The following PLS1 variants were observed in gnomAD, a reference collection of about 807,000 sequenced individuals.
PLS1 encodes the protein plastin 1.
PLS1 carries 32 observed loss-of-function variants against 73.7 expected under a neutral mutation model. That is an observed-to-expected ratio of 0.43 (90% CI 0.33 to 0.58). PLS1 has a LOEUF of 0.58. PLS1 is among the 20% of genes least tolerant of loss of function. The pLI, the probability that PLS1 is intolerant of heterozygous loss-of-function variation, is 0.04. For missense variants in PLS1, 633 were observed against 740.5 expected (o/e 0.85, Z 1.68); for synonymous variants, 217 against 261.3 (o/e 0.83, Z 1.63).
At chr3:142,648,219 AAGAACGGCTGTGAG>A (rs138048403) in intron 1 of PLS1, among the ~76,000 whole-genome samples, 2,225 of 152,276 alleles carry the variant, frequency 0.015, 51 homozygotes, top group African/African-American at 0.05. Context: ...AGTGGGGGTA[AAGAACGGCTGTGAG>A]AGAATAGAGT....
intron 14 of PLS1, among the ~76,000 whole-genome samples, chr3:142,708,061 T>G (rs923132272): frequency 6.6e-6 from 1 of 152,120 alleles, no homozygotes; most frequent in Non-Finnish European, 1.5e-5. Context: ...ACTACATAAG[T>G]TAACAAAATG....
chr3:142,677,923 A>G, intron 5 of PLS1, 109 bp from the exon 6 acceptor site: 2 of 547,642 alleles, frequency 3.7e-6, no homozygotes, highest in Non-Finnish European at 6.5e-6. Flanking sequence ...TTAATATTTT[A>G]AAGTAATGAA....
intron 1 of PLS1, among the ~76,000 whole-genome samples, chr3:142,613,732 C>T (rs1383729110): frequency 1.3e-5 from 2 of 152,122 alleles, no homozygotes; most frequent in East Asian, 3.9e-4. Flanking sequence ...TCAACCAGCT[C>T]ATTGTACATG....
At chr3:142,634,697 A>G (rs1051250365) in intron 1 of PLS1, among the ~76,000 whole-genome samples, 1 of 152,202 alleles carries the variant, frequency 6.6e-6, no homozygotes, top group Non-Finnish European at 1.5e-5. Flanking sequence ...GTGAAAACTG[A>G]AAGAACTCAC....
chr3:142,619,270 CTGATA>C lies in PLS1; in HGVS notation c.-37+22765_-37+22769del, dbSNP rs1194431788. 2.6e-5 allele frequency among the ~76,000 whole-genome samples: 4 copies of C among 152,124 alleles called. No homozygotes were observed. In the East Asian group the frequency reaches 7.7e-4, roughly 29 times the overall value. On this transcript the variant is annotated intron_variant, in intron 1 of 15. Transcript: ENST00000457734. ...GGTAGCTTGGATTCAGAAAAAAATT[CTGATA>C]TGAGAGAGGCACACCCATTCAGCCA...
chr3:142,603,432 T>C (rs1204467923), intron 1 of PLS1, among the ~76,000 whole-genome samples: 2 of 152,184 alleles, frequency 1.3e-5, no homozygotes, highest in African/African-American at 4.8e-5. Flanking sequence ...ACTTCAGACT[T>C]TACGATAAAC....
At chr3:142,670,945 GT>G (rs770427391) in intron 3 of PLS1, 47 bp from the exon 4 acceptor site, 16 of 1,357,818 alleles carry the variant, frequency 1.2e-5, no homozygotes, top group Non-Finnish European at 1.4e-5. Flanking sequence ...ATTTTGTCAG[GT>G]TTTTATTGAT....
At position 142,676,158 on chromosome 3, in the gene PLS1, G is replaced by A. The variant is rs1577876768; in HGVS notation, c.366G>A (p.Glu122=). 1.2e-6 allele frequency: 2 copies of A among 1,611,134 alleles called. No homozygotes were observed. The highest frequency in any genetic ancestry group is 1.7e-6 in the Non-Finnish European group (2 of 1,179,038). ...SSEGTQHSYS[E]EEKVAFVNWI... ...CCTACCAAGGTTTTCTCCTTTCAGAGGAAGAAAAAGTGGCTTTTGTTAACT... is the reference window on the plus strand; with the variant it reads ...CCTACCAAGGTTTTCTCCTTTCAGAAGAAGAAAAAGTGGCTTTTGTTAACT... Residue 122 remains glutamate (E), a splice_region_variant and synonymous_variant, in exon 5 of 16, where the codon GAG becomes GAA. Coordinates refer to ENST00000457734, the MANE Select transcript of PLS1 (RefSeq NM_001145319.2).
intron 1 of PLS1, among the ~76,000 whole-genome samples, chr3:142,600,890 ATATATATATATATATATATATATATAT>A (rs1577753546): frequency 5.5e-5 from 1 of 18,332 alleles, no homozygotes; most frequent in East Asian, 1.5e-3. Flanking sequence ...ATATATATAT[ATATATATATATATATATATATATATAT>A]TTTTTTTTTT....
intron 1 of PLS1, among the ~76,000 whole-genome samples, chr3:142,624,431 C>T (rs1018886743): frequency 1.3e-5 from 2 of 152,138 alleles, no homozygotes; most frequent in Non-Finnish European, 2.9e-5. Flanking sequence ...GCTGTAGCAG[C>T]CTTACCTTAA....
chr3:142,706,779 G>A (rs774098174), intron 14 of PLS1, among the ~76,000 whole-genome samples: 1 of 152,112 alleles, frequency 6.6e-6, no homozygotes, highest in Non-Finnish European at 1.5e-5. Flanking sequence ...TTGGCTTCCT[G>A]ATCTGGGGAA....
At chr3:142,690,085 A>G (rs1188923334) in intron 10 of PLS1, among the ~76,000 whole-genome samples, 2 of 152,200 alleles carry the variant, frequency 1.3e-5, no homozygotes, top group East Asian at 1.9e-4. Flanking sequence ...CAGCTCTACC[A>G]CCAACATGGA....
intron 1 of PLS1, chr3:142,645,576 AG>A (rs1349740288): frequency 8.5e-5 from 13 of 152,352 alleles, no homozygotes; most frequent in African/African-American, 3.1e-4. Flanking sequence ...ATTACAAACC[AG>A]GAGGTAATAC....
intron 1 of PLS1, among the ~76,000 whole-genome samples, chr3:142,629,709 T>G (rs919535193): frequency 5.9e-5 from 9 of 152,164 alleles, no homozygotes; most frequent in African/African-American, 2.2e-4. Flanking sequence ...GTACAGCTTA[T>G]TGGGTACTCA....
intron 9 of PLS1, 96 bp from the exon 10 acceptor site, chr3:142,689,522 A>G: frequency 2.0e-6 from 1 of 511,312 alleles, no homozygotes; most frequent in Non-Finnish European, 3.3e-6. Flanking sequence ...ATTATTTGAT[A>G]TATTTGTGGA....
rs561027167 is a variant in PLS1 at position 142,620,946 on chromosome 3, G to A, written c.-37+24437G>A. 2.0e-5 allele frequency among the ~76,000 whole-genome samples: 3 copies of A among 152,226 alleles called. No homozygotes were observed. In the South Asian group the frequency reaches 6.2e-4, roughly 32 times the overall value. On this transcript the variant is annotated intron_variant, in intron 1 of 15. Transcript: ENST00000457734. ...GGCAGAAGAATGCTTGTACTTGGGA[G>A]GGGCAGATGTTGCAGTGAGCTGAGA...
chr3:142,635,522 G>C (rs143173090), intron 1 of PLS1, among the ~76,000 whole-genome samples: 7 of 152,170 alleles, frequency 4.6e-5, no homozygotes, highest in Non-Finnish European at 7.4e-5. Context: ...AGAATTGCTT[G>C]AACCTGGGAG....
intron 13 of PLS1, among the ~76,000 whole-genome samples, 157 bp from the exon 14 acceptor site, chr3:142,704,306 A>G (rs368452707): frequency 6.6e-6 from 1 of 152,194 alleles, no homozygotes; most frequent in African/African-American, 2.4e-5. Context: ...TGAGGTTTGT[A>G]ACTTTGGAAT....
At chr3:142,602,984 T>A (rs1182581964) in intron 1 of PLS1, among the ~76,000 whole-genome samples, 2 of 152,218 alleles carry the variant, frequency 1.3e-5, no homozygotes, top group African/African-American at 4.8e-5. Context: ...GCCCTCATTC[T>A]CTCAACATTC....
Sources: allele counts gnomAD v4.1 joint callset (sites outside exome capture counted in the v4.1 genomes callset), GRCh38; gene constraint gnomAD v4.1.1; transcripts MANE v1.5; gene names NCBI Gene and HGNC (gene_info 2026-07-23, HGNC 2026-07-21).